ASB3: variants seen among roughly 807,000 people sequenced by gnomAD.
The protein encoded by ASB3 is ankyrin repeat and SOCS box containing 3.
A neutral mutation model predicts 54.5 loss-of-function variants in ASB3; 41 were observed. That is an observed-to-expected ratio of 0.75 (90% CI 0.59 to 0.98). ASB3 has a LOEUF of 0.98. Ranked by LOEUF, ASB3 falls within the 50% of genes least tolerant of loss-of-function variation. ASB3 has a pLI of 0.00. For missense variants in ASB3, 733 were observed against 620.0 expected (o/e 1.18, Z -1.94); for synonymous variants, 266 against 221.2 (o/e 1.20, Z -1.80).
intron 1 of ASB3, chr2:53,767,736 T>C (rs1477731529): frequency 5.9e-5 from 51 of 863,120 alleles, no homozygotes; most frequent in Non-Finnish European, 8.6e-5. Flanking sequence ...AAAATCTTTC[T>C]GGATCTAAAC....
intron 7 of ASB3, among the ~76,000 whole-genome samples, chr2:53,703,927 C>T (rs17045125): frequency 0.087 from 13,222 of 152,080 alleles, 622 homozygotes; most frequent in East Asian, 0.18. Context: ...CTATCTATTA[C>T]CAAATCCCTA....
chr2:53,721,398 C>CAAAAAAAAA (rs1195017138), intron 5 of ASB3, among the ~76,000 whole-genome samples: 1 of 87,386 alleles, frequency 1.1e-5, no homozygotes. Flanking sequence ...TACTAAACTA[C>CAAAAAAAAA]AAAAAAAAAA....
At chr2:53,750,437 C>T (rs1672453424) in intron 3 of ASB3, among the ~76,000 whole-genome samples, 1 of 151,988 alleles carries the variant, frequency 6.6e-6, no homozygotes, top group African/African-American at 2.4e-5. Flanking sequence ...TAAGAAAAGG[C>T]AAAAGCAAAC....
intron 1 of ASB3, chr2:53,774,469 T>A (rs745860396): frequency 7.5e-6 from 12 of 1,589,454 alleles, no homozygotes; most frequent in Admixed American, 1.9e-5. Flanking sequence ...TCTTTTCGCT[T>A]TGGAAAAATT....
At chr2:53,674,969 C>A (rs1010846224) in intron 9 of ASB3, among the ~76,000 whole-genome samples, 2 of 152,116 alleles carry the variant, frequency 1.3e-5, no homozygotes, top group South Asian at 2.1e-4. Context: ...TGGAAAAGCA[C>A]CATCTAGTAG....
intron 3 of ASB3, among the ~76,000 whole-genome samples, chr2:53,743,541 T>C (rs1234846787): frequency 6.6e-6 from 1 of 152,166 alleles, no homozygotes; most frequent in Non-Finnish European, 1.5e-5. Context: ...AATGCAAATA[T>C]AACTGACAAA....
intron 3 of ASB3, among the ~76,000 whole-genome samples, chr2:53,737,880 T>C (rs1048239520): frequency 3.3e-5 from 5 of 152,138 alleles, no homozygotes; most frequent in Admixed American, 2.0e-4. Flanking sequence ...AACTGAACAC[T>C]GTCCTATTTA....
rs566004351 is a variant in ASB3 at position 53,729,077 on chromosome 2, G to A, written c.469-230C>T. 5.2e-4 allele frequency among the ~76,000 whole-genome samples: 79 copies of A among 152,044 alleles called. 1 individual carries two copies. The South Asian group carries it at 0.016, about 31-fold the overall frequency. ...TGTAAACATGAAACACTGATCTCTAGGAATTATAAACCTTATAGAATCCTG... is the reference window on the plus strand; with the variant it reads ...TGTAAACATGAAACACTGATCTCTAAGAATTATAAACCTTATAGAATCCTG... On this transcript the variant is annotated intron_variant, in intron 4 of 9. Transcript: ENST00000263634.
At chr2:53,761,971 A>C (rs1247791370) in intron 2 of ASB3, among the ~76,000 whole-genome samples, 1 of 152,252 alleles carries the variant, frequency 6.6e-6, no homozygotes, top group East Asian at 1.9e-4. Flanking sequence ...CATCTCTACC[A>C]TGAAATACTA....
intron 5 of ASB3, among the ~76,000 whole-genome samples, chr2:53,720,641 T>C (rs1244145458): frequency 6.6e-6 from 1 of 152,224 alleles, no homozygotes; most frequent in Non-Finnish European, 1.5e-5. Flanking sequence ...TGTTGGGAGA[T>C]GTCAAATCCC....
intron 9 of ASB3, among the ~76,000 whole-genome samples, chr2:53,692,998 G>T (rs1444364848): frequency 2.0e-5 from 3 of 152,058 alleles, no homozygotes; most frequent in Non-Finnish European, 2.9e-5. Flanking sequence ...GTCTGTTTTT[G>T]ATTGAGAAAA....
intron 2 of ASB3, among the ~76,000 whole-genome samples, chr2:53,759,382 C>A (rs1246213038): frequency 1.3e-5 from 2 of 152,192 alleles, no homozygotes; most frequent in Non-Finnish European, 2.9e-5. Flanking sequence ...AGAAAGCATA[C>A]CTCTCTGTCG....
chr2:53,783,829 G>C (rs1674787193), intron 1 of ASB3, among the ~76,000 whole-genome samples: 1 of 152,044 alleles, frequency 6.6e-6, no homozygotes, highest in African/African-American at 2.4e-5. Flanking sequence ...AATCCTTCCT[G>C]AAAAAAATTG....
chr2:53,770,308 C>T (rs754772489), intron 1 of ASB3, among the ~76,000 whole-genome samples: 3 of 152,004 alleles, frequency 2.0e-5, no homozygotes, highest in Non-Finnish European at 4.4e-5. Context: ...ATTATCTATA[C>T]GAACAGATGA....
At chr2:53,716,452 G>C (rs1670396465) in intron 6 of ASB3, 114 bp downstream of exon 6, 4 of 1,295,846 alleles carry the variant, frequency 3.1e-6, no homozygotes, top group African/African-American at 3.0e-5. Flanking sequence ...CCAGCAGATT[G>C]GTAGGGAAGA....
intron 5 of ASB3, among the ~76,000 whole-genome samples, chr2:53,724,390 A>T (rs1330771211): frequency 3.3e-5 from 5 of 152,156 alleles, no homozygotes; most frequent in African/African-American, 1.2e-4. Context: ...CGAGGTGAGG[A>T]GATCAAGACC....
chr2:53,679,522 C>T (rs1166634759), intron 9 of ASB3, among the ~76,000 whole-genome samples: 2 of 152,056 alleles, frequency 1.3e-5, no homozygotes, highest in Non-Finnish European at 2.9e-5. Context: ...TGAGGCTAAT[C>T]CCGTCTCCAA....
At chr2:53,690,251 A>AATT (rs1558518327) in intron 9 of ASB3, among the ~76,000 whole-genome samples, 3 of 151,446 alleles carry the variant, frequency 2.0e-5, no homozygotes, top group Non-Finnish European at 4.4e-5. Flanking sequence ...ATAAATAAAT[A>AATT]AATTAATTAA....
intron 5 of ASB3, among the ~76,000 whole-genome samples, chr2:53,727,385 C>A (rs567661392): frequency 1.1e-4 from 17 of 152,026 alleles, no homozygotes; most frequent in South Asian, 8.3e-4. Context: ...GCAGGCACAG[C>A]GACTTACAGT....
Sources: allele counts gnomAD v4.1 joint callset (sites outside exome capture counted in the v4.1 genomes callset), GRCh38; gene constraint gnomAD v4.1.1; transcripts MANE v1.5; gene names NCBI Gene and HGNC (gene_info 2026-07-23, HGNC 2026-07-21).